Variants in DAAM1 observed in about 807,000 individuals in gnomAD.
DAAM1 encodes disheveled-associated activator of morphogenesis 1.
Under a neutral mutation model 130.0 loss-of-function variants are expected in DAAM1, and 52 were observed. The observed-to-expected ratio is 0.40, with a 90% CI of 0.32 to 0.50. DAAM1 has a LOEUF of 0.50. DAAM1 is among the 20% of genes least tolerant of loss of function. The pLI, the probability that DAAM1 is intolerant of heterozygous loss-of-function variation, is 0.61. For missense variants in DAAM1, 1,134 were observed against 1,303.8 expected (o/e 0.87, Z 2.01); for synonymous variants, 452 against 444.5 (o/e 1.02, Z -0.21).
At position 59,315,354 on chromosome 14, in the gene DAAM1, A is replaced by C; in HGVS notation, c.345+3A>C. ...ATCAGCTCAATTCCATGGCTGCTGT[A>C]AGTAGACTTTTATGTTCTTTGACAC... On this transcript the variant is annotated splice_donor_region_variant and intron_variant, in intron 4 of 24. Coordinates refer to ENST00000360909, the MANE Select transcript of DAAM1 (RefSeq NM_001270520.2). The C allele has an allele frequency of 6.2e-7, 1 of 1,613,484 alleles. No homozygotes were observed. Among genetic ancestry groups the C allele is most frequent in the Non-Finnish European group, 8.5e-7 (1 of 1,179,574 alleles).
chr14:59,233,219 AT>A (rs1437605499), intron 1 of DAAM1, among the ~76,000 whole-genome samples: 4 of 152,220 alleles, frequency 2.6e-5, no homozygotes, highest in African/African-American at 9.6e-5. Context: ...ACCATGCTTT[AT>A]TCCACAATGG....
chr14:59,303,088 A>G (rs930373250), intron 3 of DAAM1, among the ~76,000 whole-genome samples: 2 of 152,242 alleles, frequency 1.3e-5, no homozygotes, highest in Admixed American at 1.3e-4. Flanking sequence ...ATGTTTATCA[A>G]CAGTGCTATG....
chr14:59,297,610 G>A lies in DAAM1; in HGVS notation c.273+6304G>A, dbSNP rs368809192. On this transcript the variant is annotated intron_variant, in intron 3 of 24. Transcript: ENST00000360909. ...TACAGTAGTCTCCTCCCCTCCCTCC[G>A]TGGTTTTGCTTTCCGTGGTTTCACT... Among the ~76,000 whole-genome samples the A allele has an allele frequency of 2.6e-4, 40 of 152,178 alleles. 1 individual carries two copies. The highest frequency in any genetic ancestry group is 9.8e-4 in the Admixed American group (15 of 15,292).
intron 3 of DAAM1, among the ~76,000 whole-genome samples, chr14:59,309,015 G>GT (rs1884476063): frequency 6.6e-6 from 1 of 152,214 alleles, no homozygotes; most frequent in Admixed American, 6.5e-5. Flanking sequence ...ATCTTGGAAT[G>GT]TGACAACACA....
intron 2 of DAAM1, chr14:59,265,784 T>C (rs965263030): frequency 6.6e-5 from 10 of 152,264 alleles, no homozygotes; most frequent in African/African-American, 2.4e-4. Flanking sequence ...CTCCTTCCTG[T>C]CTTCTGTCCT....
At chr14:59,336,097 T>G (rs1329314866) in intron 15 of DAAM1, among the ~76,000 whole-genome samples, 1 of 151,666 alleles carries the variant, frequency 6.6e-6, no homozygotes. Context: ...AGATGTGGGG[T>G]TTTATATAAA....
chr14:59,293,090 G>A (rs1396079893), intron 3 of DAAM1, among the ~76,000 whole-genome samples: 4 of 152,092 alleles, frequency 2.6e-5, no homozygotes, highest in African/African-American at 4.8e-5. Flanking sequence ...CTCAAGTTGC[G>A]GGTATACACA....
intron 3 of DAAM1, among the ~76,000 whole-genome samples, chr14:59,313,209 C>T (rs945937644): frequency 6.6e-5 from 10 of 152,102 alleles, no homozygotes; most frequent in Admixed American, 4.6e-4. Context: ...TCACATGGCT[C>T]CTGCAGCACA....
chr14:59,347,404 G>T, intron 16 of DAAM1, 135 bp from the exon 17 acceptor site: 1 of 786,260 alleles, frequency 1.3e-6, no homozygotes, highest in Non-Finnish European at 2.1e-6. Context: ...GTGCAATATT[G>T]TCAGGAAATA....
At position 59,277,746 on chromosome 14, in the gene DAAM1, C is replaced by T. The variant is rs1378787488; in HGVS notation, c.184-13471C>T. On this transcript the variant is annotated intron_variant, in intron 2 of 24. Transcript: ENST00000360909. ...TCTCTGACCAATGAAAGGAGCTCGGCCACCCAAGTCTAAGATGTAGTAAGA... is the reference window on the plus strand; with the variant it reads ...TCTCTGACCAATGAAAGGAGCTCGGTCACCCAAGTCTAAGATGTAGTAAGA... Among the ~76,000 whole-genome samples, 6 of 152,182 alleles carry T rather than the reference C, an allele frequency of 3.9e-5. No homozygotes were observed. In the East Asian group the frequency reaches 9.6e-4, roughly 24 times the overall value.
At chr14:59,334,445 T>A (rs141996556) in intron 15 of DAAM1, among the ~76,000 whole-genome samples, 1 of 152,264 alleles carries the variant, frequency 6.6e-6, no homozygotes, top group East Asian at 1.9e-4. Flanking sequence ...GTCTCCTTTT[T>A]CCTCCCTCCA....
chr14:59,294,655 A>G (rs1468478560), intron 3 of DAAM1, among the ~76,000 whole-genome samples: 1 of 151,204 alleles, frequency 6.6e-6, no homozygotes, highest in Non-Finnish European at 1.5e-5. Flanking sequence ...TGTGGTTCTT[A>G]TCTTTAAAGG....
chr14:59,341,983 C>T (rs146889082), intron 16 of DAAM1, among the ~76,000 whole-genome samples: 1 of 152,124 alleles, frequency 6.6e-6, no homozygotes, highest in Non-Finnish European at 1.5e-5. Context: ...GGTAATTACA[C>T]TAGATATAGA....
chr14:59,270,596 A>G (rs1372932791), intron 2 of DAAM1, among the ~76,000 whole-genome samples: 2 of 152,166 alleles, frequency 1.3e-5, no homozygotes, highest in Non-Finnish European at 2.9e-5. Flanking sequence ...GCAATTCTGA[A>G]TATGTTTTCC....
intron 4 of DAAM1, among the ~76,000 whole-genome samples, chr14:59,317,877 T>C (rs1225057546): frequency 2.6e-5 from 4 of 152,198 alleles, no homozygotes; most frequent in Non-Finnish European, 5.9e-5. Context: ...GCCCTGGTTA[T>C]CCCACCTTCT....
chr14:59,244,356 T>G (rs1364711622), intron 1 of DAAM1, among the ~76,000 whole-genome samples: 2 of 152,046 alleles, frequency 1.3e-5, no homozygotes, highest in East Asian at 3.9e-4. Flanking sequence ...TTGTTGAAGA[T>G]GAGATGGAAA....
intron 21 of DAAM1, 74 bp downstream of exon 21, chr14:59,359,578 G>A: frequency 1.8e-6 from 2 of 1,092,026 alleles, no homozygotes; most frequent in South Asian, 1.4e-5. Flanking sequence ...AGTTTGCACT[G>A]CATGAAGTCA....
intron 1 of DAAM1, among the ~76,000 whole-genome samples, chr14:59,192,173 TGTG>T (rs1887753434): frequency 6.6e-6 from 1 of 151,308 alleles, no homozygotes; most frequent in East Asian, 1.9e-4. Flanking sequence ...TGTGTGTGTG[TGTG>T]TGTGTGTGTG....
At chr14:59,241,177 A>G (rs1881100650) in intron 1 of DAAM1, among the ~76,000 whole-genome samples, 1 of 152,224 alleles carries the variant, frequency 6.6e-6, no homozygotes, top group Non-Finnish European at 1.5e-5. Context: ...GTATGTATGT[A>G]GAGGAAAAAC....
Sources: gnomAD v4.1 joint callset for allele counts (sites outside exome capture counted in the v4.1 genomes callset) on GRCh38, gnomAD v4.1.1 for gene constraint, MANE v1.5 for transcripts, NCBI Gene and HGNC (gene_info 2026-07-23, HGNC 2026-07-21) for gene names.